Variants in TRPM7 observed in about 807,000 individuals in gnomAD.
TRPM7 encodes LTRPC ion channel family member 7.
In TRPM7, 134 loss-of-function variants were observed where a neutral mutation model predicts 229.7. The ratio of observed to expected loss-of-function variants is 0.58; its 90% CI spans 0.51 to 0.67. The LOEUF is 0.67. Among genes scored for constraint, TRPM7 ranks in the 30% least tolerant of loss-of-function variants. The pLI is 0.00. For missense variants in TRPM7, 1,901 were observed against 2,210.0 expected (o/e 0.86, Z 2.80); for synonymous variants, 699 against 715.2 (o/e 0.98, Z 0.36).
At chr15:50,600,084 T>C (rs965806021) in intron 21 of TRPM7, among the ~76,000 whole-genome samples, 1 of 152,222 alleles carries the variant, frequency 6.6e-6, no homozygotes, top group Non-Finnish European at 1.5e-5. Flanking sequence ...CATCTACTTA[T>C]TTAGGTATAT....
chr15:50,686,597 GCC>G lies in TRPM7; in HGVS notation c.-66_-65del. Reference sequence around the variant, plus strand: ...ACCTCCTCCTCCTCCGCGGCCTGTAGCCATCTATCGGGAAGCGTCTCCGGAGG... The same window carrying G: ...ACCTCCTCCTCCTCCGCGGCCTGTAGATCTATCGGGAAGCGTCTCCGGAGG... On this transcript the variant is annotated 5_prime_UTR_variant, in exon 1 of 39. An upstream start codon of the reference 5' UTR is lost. Transcript: ENST00000646667. The G allele has an allele frequency of 6.3e-7, 1 of 1,597,066 alleles. No individual in the cohort carries two copies. The highest frequency in any genetic ancestry group is 8.5e-7 in the Non-Finnish European group (1 of 1,172,044).
rs756271072 is a variant in TRPM7 at position 50,624,275 on chromosome 15, A to C, written c.1331T>G (p.Leu444Arg). The C allele has an allele frequency of 6.2e-7, 1 of 1,608,942 alleles. No individual in the cohort carries two copies. The highest frequency in any genetic ancestry group is 8.5e-7 in the Non-Finnish European group (1 of 1,178,158). Residue 444 changes from leucine (L) to arginine (R), a missense_variant, in exon 12 of 39, where the codon CTT (leucine) becomes CGT (arginine). Transcript: ENST00000646667. ...WLVGSLEQAM[L>R]DALVMDRVAF... ...AACTCTATCCATTACAAGAGCATCAAGCATAGCTTGTTCCAAGGATCCAAC... is the reference window on the plus strand; with the variant it reads ...AACTCTATCCATTACAAGAGCATCACGCATAGCTTGTTCCAAGGATCCAAC...
intron 12 of TRPM7, among the ~76,000 whole-genome samples, chr15:50,620,869 T>C (rs575496325): frequency 2.7e-4 from 41 of 149,402 alleles, no homozygotes; most frequent in Non-Finnish European, 3.8e-4. Context: ...GAGGCGGAGG[T>C]TGCGGTAAGC....
chr15:50,680,317 G>C (rs1260466772), intron 1 of TRPM7, among the ~76,000 whole-genome samples: 2 of 152,160 alleles, frequency 1.3e-5, no homozygotes, highest in Non-Finnish European at 2.9e-5. Context: ...AAGGCAGGTA[G>C]ATCACTTGAG....
chr15:50,594,720 A>T (rs2059590984), intron 23 of TRPM7, 107 bp from the exon 24 acceptor site: 1 of 792,000 alleles, frequency 1.3e-6, no homozygotes, highest in Non-Finnish European at 1.9e-6. Context: ...AATTCAAAAA[A>T]TATCCTTCTG....
chr15:50,557,598 C>T lies in TRPM7; in HGVS notation c.*4080G>A, dbSNP rs1313759466. The T allele has an allele frequency of 6.6e-6, 1 of 152,264 alleles. No individual in the cohort carries two copies. Among genetic ancestry groups the T allele is most frequent in the East Asian group, 1.9e-4 (1 of 5,188 alleles). The allele number at this position is 152,264 out of a possible 1,614,324, so 9.4% of individuals were successfully genotyped here. On this transcript the variant is annotated 3_prime_UTR_variant, in exon 39 of 39. Coordinates refer to ENST00000646667, the MANE Select transcript of TRPM7 (RefSeq NM_017672.6). ...TTGTAAAATAATAGCATACATATAT[C>T]GACAGACTGAAGAAGGTATACTATT...
At chr15:50,616,433 G>A (rs997449996) in intron 13 of TRPM7, among the ~76,000 whole-genome samples, 6 of 152,260 alleles carry the variant, frequency 3.9e-5, no homozygotes, top group African/African-American at 1.4e-4. Flanking sequence ...AAGATTTCTA[G>A]GGGAAGGAGG....
At position 50,596,392 on chromosome 15, in the gene TRPM7, A is replaced by G. The variant is rs773956805; in HGVS notation, c.3164-11T>C. 3 of 1,556,402 alleles carry G rather than the reference A, an allele frequency of 1.9e-6. No homozygotes were observed. The African/African-American group carries it at 4.2e-5, about 22-fold the overall frequency. ...AATCATTTGCACACACTTTAGAGAG[A>G]AAAAAAGAAAAAAACAAAAACAACT... On this transcript the variant is annotated splice_polypyrimidine_tract_variant and intron_variant, in intron 22 of 38. Transcript: ENST00000646667.
chr15:50,630,818 G>A (rs572818381), intron 10 of TRPM7, among the ~76,000 whole-genome samples: 1 of 152,032 alleles, frequency 6.6e-6, no homozygotes, highest in African/African-American at 2.4e-5. Context: ...ACTACAGAGT[G>A]CACACCACCA....
chr15:50,609,070 A>G (rs961298180), intron 19 of TRPM7, among the ~76,000 whole-genome samples: 1 of 152,234 alleles, frequency 6.6e-6, no homozygotes, highest in African/African-American at 2.4e-5. Flanking sequence ...ATAAAGCAAG[A>G]GAAAAGCCAA....
In TRPM7 at chr15:50,589,665, G is replaced by C. The variant is rs534701717; in HGVS notation, c.4325-9C>G. ...CATGCTATCTCTGTGTCCTTTAATA[G>C]AAAAAAAGATGTTGCAATGAGAAAT... On this transcript the variant is annotated splice_polypyrimidine_tract_variant and intron_variant, in intron 26 of 38. Coordinates refer to ENST00000646667, the MANE Select transcript of TRPM7 (RefSeq NM_017672.6). The C allele has an allele frequency of 1.2e-4, 192 of 1,564,982 alleles. No individual in the cohort carries two copies. In the South Asian group the frequency reaches 2.0e-3, roughly 17 times the overall value.
At chr15:50,615,733 T>C (rs1323733384) in intron 13 of TRPM7, among the ~76,000 whole-genome samples, 1 of 151,946 alleles carries the variant, frequency 6.6e-6, no homozygotes, top group Admixed American at 6.6e-5. Context: ...CCATCTCTAC[T>C]AAAAATACAA....
Position 50,612,838 on chromosome 15 carries a change from G to A in TRPM7, c.1771-9C>T. 5 of 1,602,620 alleles carry A rather than the reference G, an allele frequency of 3.1e-6. No individual in the cohort carries two copies. The highest frequency in any genetic ancestry group is 4.2e-6 in the Non-Finnish European group (5 of 1,176,838). Reference sequence around the variant, plus strand: ...TCCATAACTGTATCAATCTTCCAGGGAAAATAAAGTTATAAAGCTCATTAT... The same window carrying A: ...TCCATAACTGTATCAATCTTCCAGGAAAAATAAAGTTATAAAGCTCATTAT... On this transcript the variant is annotated splice_polypyrimidine_tract_variant and intron_variant, in intron 15 of 38. Coordinates refer to ENST00000646667, the MANE Select transcript of TRPM7 (RefSeq NM_017672.6).
intron 9 of TRPM7, among the ~76,000 whole-genome samples, chr15:50,631,710 C>T (rs2060739712): frequency 6.6e-6 from 1 of 151,962 alleles, no homozygotes; most frequent in Admixed American, 6.6e-5. Context: ...AAAACTTTAT[C>T]ATTTACTAAA....
At chr15:50,571,681 C>G (rs2053895206) in intron 36 of TRPM7, among the ~76,000 whole-genome samples, 1 of 151,898 alleles carries the variant, frequency 6.6e-6, no homozygotes, top group Admixed American at 6.6e-5. Flanking sequence ...TATGTCTTCA[C>G]AGAAGTAGAG....
intron 2 of TRPM7, among the ~76,000 whole-genome samples, chr15:50,662,282 G>A (rs1400505429): frequency 6.6e-6 from 1 of 151,530 alleles, no homozygotes; most frequent in Non-Finnish European, 1.5e-5. Context: ...GAACCCTGGA[G>A]GGAGCTTGTA....
At position 50,636,751 on chromosome 15, in the gene TRPM7, T is replaced by C. The variant is rs2060919373; in HGVS notation, c.832+671A>G. Reference sequence around the variant, plus strand: ...GATACTCATTTCATAAATTTTAAGCTGATTTATTTCTTTCAGTGATTTTTT... The same window carrying C: ...GATACTCATTTCATAAATTTTAAGCCGATTTATTTCTTTCAGTGATTTTTT... On this transcript the variant is annotated intron_variant, in intron 7 of 38. Transcript: ENST00000646667. Among the ~76,000 whole-genome samples, 2 of 152,216 alleles carry C rather than the reference T, an allele frequency of 1.3e-5. 1 individual carries two copies. Among genetic ancestry groups the C allele is most frequent in the South Asian group, 4.1e-4 (2 of 4,832 alleles).
intron 36 of TRPM7, among the ~76,000 whole-genome samples, chr15:50,570,506 G>T (rs1313372675): frequency 6.6e-6 from 1 of 151,998 alleles, no homozygotes; most frequent in Non-Finnish European, 1.5e-5. Flanking sequence ...AGTTAGCAAA[G>T]AACAATTTGG....
chr15:50,647,152 A>T (rs2061292102), intron 4 of TRPM7, among the ~76,000 whole-genome samples: 1 of 151,982 alleles, frequency 6.6e-6, no homozygotes, highest in Non-Finnish European at 1.5e-5. Context: ...TCTTTTTTTG[A>T]GACAGTCTTG....
Sources: allele counts gnomAD v4.1 joint callset (sites outside exome capture counted in the v4.1 genomes callset), GRCh38; gene constraint gnomAD v4.1.1; transcripts MANE v1.5; gene names NCBI Gene and HGNC (gene_info 2026-07-23, HGNC 2026-07-21).